TPP2: variants seen among roughly 807,000 people sequenced by gnomAD.
The protein encoded by TPP2 is tripeptidyl peptidase 2.
Under a neutral mutation model 155.9 loss-of-function variants are expected in TPP2, and 34 were observed. That is an observed-to-expected ratio of 0.22 (90% CI 0.17 to 0.29). TPP2 has a LOEUF of 0.29. TPP2 is among the 10% of genes least tolerant of loss of function. The pLI is 1.00. For synonymous variants in TPP2, 510 were observed against 529.4 expected (o/e 0.96, Z 0.50); for missense variants, 1,028 against 1,522.3 (o/e 0.68, Z 5.40).
intron 27 of TPP2, among the ~76,000 whole-genome samples, chr13:102,670,359 C>T (rs1283439503): frequency 6.6e-6 from 1 of 152,190 alleles, no homozygotes. Context: ...CTTCCGATGA[C>T]ATCACGGTCA....
At chr13:102,622,738 C>A in intron 5 of TPP2, 139 bp from the exon 6 acceptor site, 3 of 978,522 alleles carry the variant, frequency 3.1e-6, no homozygotes, top group Non-Finnish European at 4.4e-6. Context: ...AAGAAACAGG[C>A]TAAACCAGGC....
chr13:102,612,812 T>C (rs1374076077), intron 2 of TPP2, among the ~76,000 whole-genome samples: 1 of 152,196 alleles, frequency 6.6e-6, no homozygotes, highest in Non-Finnish European at 1.5e-5. Flanking sequence ...TTTTAAGAAA[T>C]TGTGATTAAA....
chr13:102,644,974 C>T lies in TPP2; in HGVS notation c.2358C>T (p.Pro786=). Residue 786 remains proline (P), a synonymous_variant, in exon 19 of 30, where the codon CCC becomes CCT. Coordinates refer to ENST00000376052, the MANE Select transcript of TPP2 (RefSeq NM_001330588.2). ...QSSLKYEDLA[P]CITLKNWVQT... is the part of the protein sequence containing the mutation. ...CCTTGAAATACGAAGATCTGGCTCC[C>T]TGCATAACTTTGAAGAACTGGGTCC... is the stretch of plus-strand genomic sequence containing the variant. The T allele has an allele frequency of 3.1e-6, 5 of 1,614,044 alleles. No individual in the cohort carries two copies. Among genetic ancestry groups the T allele is most frequent in the Non-Finnish European group, 4.2e-6 (5 of 1,179,968 alleles).
chr13:102,630,291 TC>T, intron 10 of TPP2, 96 bp downstream of exon 10: 1 of 891,408 alleles, frequency 1.1e-6, no homozygotes, highest in Middle Eastern at 2.6e-4. Context: ...CTAGTTTTTT[TC>T]TGTTGGTTTT....
At chr13:102,615,747 A>G (rs540765794) in intron 3 of TPP2, among the ~76,000 whole-genome samples, 5 of 152,260 alleles carry the variant, frequency 3.3e-5, no homozygotes, top group African/African-American at 1.2e-4. Context: ...CCAATTTTGT[A>G]TGGGCCCAGA....
chr13:102,615,668 G>A (rs1566325421), intron 3 of TPP2, among the ~76,000 whole-genome samples: 1 of 152,154 alleles, frequency 6.6e-6, no homozygotes, highest in Non-Finnish European at 1.5e-5. Flanking sequence ...GAGGATGCCT[G>A]CATTGTCTGT....
chr13:102,611,280 A>G (rs897429779), intron 2 of TPP2, among the ~76,000 whole-genome samples: 1 of 152,218 alleles, frequency 6.6e-6, no homozygotes, highest in African/African-American at 2.4e-5. Flanking sequence ...TTGCTGAATC[A>G]TGGAGATATG....
chr13:102,674,477 T>G lies in TPP2; in HGVS notation c.3566T>G (p.Leu1189Arg). The part of the protein sequence containing the change: ...TFWETTKWTD[L>R]FDNKVLTFAY... ...TGGGAAACTACTAAATGGACTGATC[T>G]CTTTGACAATAAGGTAACGTTTCTG... Residue 1189 changes from leucine to arginine, a missense_variant, in exon 28 of 30, where the codon CTC becomes CGC. Leu to Arg is a moderately radical substitution (Grantham distance 102). Around this residue, in one of 7 missense-constraint regions of TPP2, gnomAD observed 116 missense variants for 117.3 expected, o/e 0.99. Coordinates refer to ENST00000376052, the MANE Select transcript of TPP2 (RefSeq NM_001330588.2). 1 of 1,613,714 alleles carries G rather than the reference T, an allele frequency of 6.2e-7. No homozygotes were observed. The highest frequency in any genetic ancestry group is 8.5e-7 in the Non-Finnish European group (1 of 1,179,710).
chr13:102,667,902 G>A, intron 27 of TPP2: 1 of 869,076 alleles, frequency 1.2e-6, no homozygotes, highest in Non-Finnish European at 1.4e-6. Context: ...TGAAAGAGTG[G>A]GCTAGGGGAC....
chr13:102,627,627 T>G (rs1323277378), intron 7 of TPP2, among the ~76,000 whole-genome samples: 1 of 148,064 alleles, frequency 6.8e-6, no homozygotes, highest in Non-Finnish European at 1.5e-5. Context: ...ATGCTAGTTT[T>G]TTGTTTTTTT....
chr13:102,649,456 A>G lies in TPP2; in HGVS notation c.2922A>G (p.Thr974=). ...GATGCTATCTTGCAGGATCCTTAAC[A>G]TTGTCAAAGACTGAACTAGGAAAGA... is the stretch of plus-strand genomic sequence containing the variant. ...GPGCYLAGSL[T]LSKTELGKKA... The change falls in exon 23 of 30, where the codon ACA becomes ACG. Residue 974 remains threonine (T), a synonymous_variant. Transcript: ENST00000376052. 6.2e-7 allele frequency: 1 copy of G among 1,612,988 alleles called. No individual in the cohort carries two copies.
intron 11 of TPP2, 84 bp from the exon 12 acceptor site, chr13:102,635,503 C>A: frequency 1.1e-6 from 1 of 921,800 alleles, no homozygotes. Flanking sequence ...ACCAGAGGGT[C>A]TACAGGTGAT....
chr13:102,650,577 T>C (rs1433253650), intron 23 of TPP2, among the ~76,000 whole-genome samples: 4 of 152,172 alleles, frequency 2.6e-5, no homozygotes, highest in Admixed American at 6.5e-5. Context: ...GTAGTTTTTT[T>C]TGTAGATTTC....
At chr13:102,671,851 T>C (rs1356809342) in intron 27 of TPP2, among the ~76,000 whole-genome samples, 1 of 152,048 alleles carries the variant, frequency 6.6e-6, no homozygotes, top group Non-Finnish European at 1.5e-5. Context: ...TTGCATTAGG[T>C]CCCTTAATTG....
chr13:102,644,471 G>A (rs370454215), intron 17 of TPP2, 86 bp from the exon 18 acceptor site: 9 of 1,064,464 alleles, frequency 8.5e-6, no homozygotes, highest in Non-Finnish European at 1.2e-5. Flanking sequence ...TTTGAAAACA[G>A]AATTGCTCTG....
Position 102,649,034 on chromosome 13 carries a change from G to A in TPP2, c.2756G>A (p.Ser919Asn), listed in dbSNP as rs149380596. 4.3e-6 allele frequency: 7 copies of A among 1,613,724 alleles called. No individual in the cohort carries two copies. The African/African-American group carries it at 9.3e-5, about 22-fold the overall frequency. Reference protein sequence around the residue: ...IVSHRLSNTLSLDIHENHSFA... With the variant: ...IVSHRLSNTLNLDIHENHSFA... ...TCTCATAGATTGTCTAATACCTTGAGCTTAGATATTCATGAAAATCATAGT... is the reference window on the plus strand; with the variant it reads ...TCTCATAGATTGTCTAATACCTTGAACTTAGATATTCATGAAAATCATAGT... Residue 919 changes from serine (S) to asparagine (N), a missense_variant, in exon 22 of 30, where the codon AGC becomes AAC. Physicochemically the swap from Ser to Asn is conservative, Grantham distance 46. Around this residue, in one of 7 missense-constraint regions of TPP2, gnomAD observed 179 missense variants for 274.7 expected, o/e 0.65. Transcript: ENST00000376052.
At chr13:102,610,382 C>G (rs528438229) in intron 2 of TPP2, among the ~76,000 whole-genome samples, 1 of 152,202 alleles carries the variant, frequency 6.6e-6, no homozygotes, top group Non-Finnish European at 1.5e-5. Context: ...GCACCCGCCA[C>G]CATGCCCGGC....
chr13:102,606,695 G>A (rs547349478), intron 2 of TPP2, among the ~76,000 whole-genome samples: 5 of 152,224 alleles, frequency 3.3e-5, no homozygotes, highest in South Asian at 4.2e-4. Flanking sequence ...CCTTCTTTAC[G>A]TACCATAACG....
rs75739386 is a variant in TPP2, at chr13:102,610,359, G to T, written c.295-3742G>T. 1.7e-3 allele frequency among the ~76,000 whole-genome samples: 263 copies of T among 152,038 alleles called. 4 individuals carry two copies. The East Asian group carries it at 0.047, about 27-fold the overall frequency. On this transcript the variant is annotated intron_variant, in intron 2 of 29. Transcript: ENST00000376052. Reference sequence around the variant, plus strand: ...TTTTCCTGCCTCAGCCTCCCAAGTCGCTGGGATTATAGGCACCCGCCACCA... The same window carrying T: ...TTTTCCTGCCTCAGCCTCCCAAGTCTCTGGGATTATAGGCACCCGCCACCA...
Sources: gnomAD v4.1 joint callset for allele counts (sites outside exome capture counted in the v4.1 genomes callset) on GRCh38, gnomAD v4.1.1 for gene constraint, gnomAD v4.1.1 regional missense constraint, MANE v1.5 for transcripts, NCBI Gene and HGNC (gene_info 2026-07-23, HGNC 2026-07-21) for gene names.